The following ARAP2 variants were observed in gnomAD, a reference collection of about 807,000 sequenced individuals.
ARAP2 encodes the protein ArfGAP with RhoGAP domain, ankyrin repeat and PH domain 2.
ARAP2 carries 148 observed loss-of-function variants against 194.5 expected under a neutral mutation model. That is an observed-to-expected ratio of 0.76 (90% CI 0.67 to 0.87). The LOEUF (loss-of-function observed/expected upper bound fraction) is 0.87. ARAP2 is among the 40% of genes least tolerant of loss of function. ARAP2 has a pLI of 0.00. For missense variants in ARAP2, 2,128 were observed against 1,989.7 expected, an observed-to-expected ratio of 1.07 and a Z score of -1.32; for synonymous variants, 695 against 683.5, an observed-to-expected ratio of 1.02 and a Z score of -0.26.
chr4:36,047,396 C>G (rs921949535), intron 3 of ARAP2: 1 of 152,224 alleles, frequency 6.6e-6, no homozygotes, highest in Non-Finnish European at 1.5e-5. Context: ...TATAAGCTAA[C>G]TGACTTTCCC....
chr4:36,217,766 A>T (rs1280413853), intron 2 of ARAP2, among the ~76,000 whole-genome samples: 3 of 151,460 alleles, frequency 2.0e-5, no homozygotes, highest in Admixed American at 6.6e-5. Context: ...ATTAGAAAAA[A>T]ATCTAATTAA....
chr4:36,037,468 T>TA (rs1720127193), intron 5 of ARAP2, among the ~76,000 whole-genome samples: 1 of 152,118 alleles, frequency 6.6e-6, no homozygotes, highest in South Asian at 2.1e-4. Context: ...TCTTTCAAAA[T>TA]AAAATTATAA....
At chr4:36,091,777 T>C (rs529483657) in intron 28 of ARAP2, 104 bp downstream of exon 28, 32 of 1,239,678 alleles carry the variant, frequency 2.6e-5, no homozygotes, top group Admixed American at 1.1e-4. Flanking sequence ...ATGCATTTTA[T>C]ATACTACAGG....
intron 28 of ARAP2, among the ~76,000 whole-genome samples, chr4:36,085,283 CATAGCTGATAAAT>C (rs1410427396): frequency 6.6e-6 from 1 of 151,992 alleles, no homozygotes; most frequent in Non-Finnish European, 1.5e-5. Context: ...AGTGTTCCCC[CATAGCTGATAAAT>C]ATTCAGTTCC....
intron 27 of ARAP2, among the ~76,000 whole-genome samples, chr4:36,097,950 C>A (rs550055953): frequency 1.3e-5 from 2 of 151,930 alleles, no homozygotes; most frequent in Non-Finnish European, 2.9e-5. Context: ...TTTAGAAAAG[C>A]TCTTTAAAAG....
intron 27 of ARAP2, among the ~76,000 whole-genome samples, chr4:36,102,904 A>G (rs1189574546): frequency 6.6e-6 from 1 of 151,836 alleles, no homozygotes; most frequent in African/African-American, 2.4e-5. Context: ...TCCATAGTAA[A>G]TATCAGTGAC....
downstream of ARAP2, among the ~76,000 whole-genome samples, chr4:36,063,463 A>G (rs1323765250): frequency 9.4e-6 from 1 of 106,944 alleles, no homozygotes; most frequent in Non-Finnish European, 2.2e-5. Context: ...TTAAAAAAAG[A>G]AAAAAAAAAA....
chr4:36,128,831 T>C, intron 20 of ARAP2, 86 bp from the exon 21 acceptor site: 4 of 1,082,914 alleles, frequency 3.7e-6, no homozygotes, highest in Non-Finnish European at 5.3e-6. Flanking sequence ...AATGTTTGTG[T>C]TGAGACGAGA....
At chr4:36,026,522 A>T (rs1717933131) in intron 5 of ARAP2, among the ~76,000 whole-genome samples, 1 of 152,160 alleles carries the variant, frequency 6.6e-6, no homozygotes, top group Non-Finnish European at 1.5e-5. Context: ...AATGAGTCTG[A>T]CAGGCCTGAA....
intron 7 of ARAP2, 89 bp from the exon 8 acceptor site, chr4:36,187,660 TTC>T: frequency 8.6e-7 from 1 of 1,162,488 alleles, no homozygotes; most frequent in Non-Finnish European, 1.2e-6. Context: ...TTATAACTGC[TTC>T]TCTTTATAAT....
intron 5 of ARAP2, among the ~76,000 whole-genome samples, chr4:36,039,555 G>A (rs1720494453): frequency 6.6e-6 from 1 of 152,086 alleles, no homozygotes; most frequent in Non-Finnish European, 1.5e-5. Flanking sequence ...TTCCTGGACT[G>A]AATGCTGAGC....
At chr4:36,095,242 C>T (rs1577856313) in intron 27 of ARAP2, among the ~76,000 whole-genome samples, 1 of 152,150 alleles carries the variant, frequency 6.6e-6, no homozygotes, top group South Asian at 2.1e-4. Flanking sequence ...TGAATGCATG[C>T]CCTAAATTTT....
chr4:36,142,993 T>G (rs530184293), intron 19 of ARAP2, among the ~76,000 whole-genome samples: 134 of 151,854 alleles, frequency 8.8e-4, no homozygotes, highest in Admixed American at 2.1e-3. Flanking sequence ...TCTCCCAGGC[T>G]CTCTCCCAAA....
chr4:36,170,557 C>T (rs1736381206), intron 9 of ARAP2, among the ~76,000 whole-genome samples: 1 of 152,218 alleles, frequency 6.6e-6, no homozygotes, highest in African/African-American at 2.4e-5. Context: ...CAGGATGACA[C>T]ATTGGATTGG....
chr4:36,157,682 A>G (rs146055601), intron 15 of ARAP2: 2 of 152,356 alleles, frequency 1.3e-5, no homozygotes, highest in Non-Finnish European at 2.9e-5. Flanking sequence ...TATATAAAGT[A>G]TCTAAAGCCA....
intron 2 of ARAP2, among the ~76,000 whole-genome samples, chr4:36,227,205 A>T (rs1750519958): frequency 6.6e-6 from 1 of 152,162 alleles, no homozygotes; most frequent in Admixed American, 6.5e-5. Flanking sequence ...TTACCTCAAA[A>T]GTAAAATGGG....
At chr4:36,014,380 A>AAG (rs1491375844) in intron 8 of ARAP2, among the ~76,000 whole-genome samples, 1 of 139,942 alleles carries the variant, frequency 7.1e-6, no homozygotes, top group South Asian at 2.3e-4. Flanking sequence ...GAAAGAAAGA[A>AAG]AGAAAATGTA....
At chr4:36,119,094 C>T (rs1243018369) in intron 24 of ARAP2, among the ~76,000 whole-genome samples, 1 of 151,290 alleles carries the variant, frequency 6.6e-6, no homozygotes, top group Non-Finnish European at 1.5e-5. Flanking sequence ...ACCAAACAAG[C>T]ATAGTGCAAC....
chr4:36,136,054 C>T (rs758983322), intron 19 of ARAP2, among the ~76,000 whole-genome samples: 3 of 151,718 alleles, frequency 2.0e-5, no homozygotes, highest in Non-Finnish European at 2.9e-5. Flanking sequence ...AGGGCGAATC[C>T]TAAAATATAT....
Sources: gnomAD v4.1 joint callset for allele counts (sites outside exome capture counted in the v4.1 genomes callset) on GRCh38, gnomAD v4.1.1 for gene constraint, MANE v1.5 for transcripts, NCBI Gene and HGNC (gene_info 2026-07-23, HGNC 2026-07-21) for gene names.